FTO: variants seen among roughly 807,000 people sequenced by gnomAD.
FTO encodes alpha-ketoglutarate-dependent dioxygenase FTO.
Under a neutral mutation model 63.9 loss-of-function variants are expected in FTO, and 47 were observed. The ratio of observed to expected loss-of-function variants is 0.74; its 90% CI spans 0.58 to 0.94. The LOEUF is 0.94. Among genes scored for constraint, FTO ranks in the 40% least tolerant of loss-of-function variants. The probability of loss-of-function intolerance (pLI) is 0.00; values close to 1 mark genes in which losing one functional copy is unlikely to be tolerated. For missense variants in FTO, 562 were observed against 618.1 expected (o/e 0.91, Z 0.96); for synonymous variants, 207 against 224.4 (o/e 0.92, Z 0.69).
intron 2 of FTO, among the ~76,000 whole-genome samples, chr16:53,815,093 G>T (rs1036156215): frequency 1.3e-5 from 2 of 151,962 alleles, no homozygotes; most frequent in Non-Finnish European, 2.9e-5. Flanking sequence ...CAGAGAGAGA[G>T]AGAGAGAGAG....
intron 7 of FTO, among the ~76,000 whole-genome samples, chr16:53,910,368 C>G (rs952504650): frequency 1.3e-5 from 2 of 152,008 alleles, no homozygotes; most frequent in East Asian, 3.9e-4. Flanking sequence ...GGAAAGTGAT[C>G]CAATCGACCC....
chr16:53,815,079 C>T lies in FTO; in HGVS notation c.123+4862C>T, dbSNP rs533125978. On this transcript the variant is annotated intron_variant, in intron 2 of 8. Coordinates refer to ENST00000471389, the MANE Select transcript of FTO (RefSeq NM_001080432.3). ...AGACAGCTGGTGAGAGCAGGGGAGA[C>T]GGTCAGAGAGAGAGAGAGAGAGAGA... Among the ~76,000 whole-genome samples the T allele has an allele frequency of 2.1e-3, 226 of 106,656 alleles. 1 individual carries two copies. Among genetic ancestry groups the T allele is most frequent in the African/African-American group, 9.5e-3 (207 of 21,716 alleles). 70.0% of individuals were successfully genotyped at this position (106,656 alleles called of 152,430 possible). A position where few individuals can be genotyped will look rare whatever the true frequency, so the allele number is the denominator to read the frequency against.
intron 3 of FTO, among the ~76,000 whole-genome samples, chr16:53,842,158 A>G (rs1033907063): frequency 1.3e-5 from 2 of 152,240 alleles, no homozygotes; most frequent in African/African-American, 4.8e-5. Context: ...TGTGCCAGTC[A>G]CTAGGGCTAT....
chr16:54,084,711 G>T (rs1876941), intron 8 of FTO, among the ~76,000 whole-genome samples: 1,956 of 152,222 alleles, frequency 0.013, 36 homozygotes, highest in Non-Finnish European at 0.015. Flanking sequence ...TCTAGATACA[G>T]GGAGAAGCCA....
chr16:53,732,305 C>G (rs931962964), intron 1 of FTO, among the ~76,000 whole-genome samples: 1 of 152,152 alleles, frequency 6.6e-6, no homozygotes, highest in Non-Finnish European at 1.5e-5. Context: ...CCTGTGTTGG[C>G]CTCCCAAAGT....
intron 1 of FTO, among the ~76,000 whole-genome samples, chr16:53,799,930 A>G (rs1296760040): frequency 6.6e-6 from 1 of 152,106 alleles, no homozygotes; most frequent in Non-Finnish European, 1.5e-5. Flanking sequence ...CATTCTGGCT[A>G]GGGATTTTAA....
chr16:54,004,892 A>G (rs1421146325), intron 8 of FTO, among the ~76,000 whole-genome samples: 4 of 151,964 alleles, frequency 2.6e-5, no homozygotes, highest in African/African-American at 9.7e-5. Context: ...AGTACAGTGA[A>G]ACCCCATCTC....
At chr16:53,954,739 T>C (rs2082885290) in intron 8 of FTO, among the ~76,000 whole-genome samples, 1 of 152,160 alleles carries the variant, frequency 6.6e-6, no homozygotes, top group African/African-American at 2.4e-5. Context: ...GTAGAGCCCA[T>C]GGGCTGTTGA....
At chr16:54,073,994 G>C (rs2144471837) in intron 8 of FTO, among the ~76,000 whole-genome samples, 1 of 151,974 alleles carries the variant, frequency 6.6e-6, no homozygotes, top group Admixed American at 6.6e-5. Flanking sequence ...TTATGTTTTG[G>C]GTGTCTTATA....
intron 8 of FTO, chr16:54,061,638 C>T (rs369302245): frequency 9.9e-5 from 15 of 152,100 alleles, no homozygotes; most frequent in African/African-American, 2.4e-4. Context: ...TGTGTACAGC[C>T]GCACGCATGC....
At chr16:53,847,068 G>A (rs891224918) in intron 4 of FTO, among the ~76,000 whole-genome samples, 1 of 152,138 alleles carries the variant, frequency 6.6e-6, no homozygotes, top group African/African-American at 2.4e-5. Context: ...CAGATTTACT[G>A]GGAATTAATG....
intron 4 of FTO, among the ~76,000 whole-genome samples, chr16:53,866,882 AT>A (rs1278817707): frequency 2.6e-5 from 4 of 151,688 alleles, no homozygotes; most frequent in Non-Finnish European, 5.9e-5. Context: ...ATTAACTTTT[AT>A]TGTTTCTTTT....
intron 4 of FTO, among the ~76,000 whole-genome samples, chr16:53,867,287 C>A (rs2080345179): frequency 6.6e-6 from 1 of 150,896 alleles, no homozygotes; most frequent in Admixed American, 6.6e-5. Flanking sequence ...GAATTTGTTG[C>A]TAGTAGACGT....
chr16:54,067,824 C>T (rs2085769313), intron 8 of FTO, among the ~76,000 whole-genome samples: 1 of 152,176 alleles, frequency 6.6e-6, no homozygotes, highest in Admixed American at 6.5e-5. Flanking sequence ...TGTTTACTTT[C>T]TATAGTAGTT....
At chr16:53,900,608 CTTTTTTTTTTTTTTTT>C (rs752080961) in intron 7 of FTO, among the ~76,000 whole-genome samples, 857 of 67,208 alleles carry the variant, frequency 0.013, 26 homozygotes, top group Middle Eastern at 0.027. Flanking sequence ...TCATCTGCTC[CTTTTTTTTTTTTTTTT>C]TTTTTTTTTT....
At chr16:53,989,488 T>A (rs1350163100) in intron 8 of FTO, among the ~76,000 whole-genome samples, 3 of 152,046 alleles carry the variant, frequency 2.0e-5, no homozygotes, top group Non-Finnish European at 4.4e-5. Context: ...AAAAGGCAAC[T>A]CCGATTTGGG....
chr16:53,942,254 C>G (rs2082547323), intron 8 of FTO, among the ~76,000 whole-genome samples: 1 of 152,192 alleles, frequency 6.6e-6, no homozygotes, highest in African/African-American at 2.4e-5. Context: ...ATGCAGTTCT[C>G]TGGTGTTTAA....
chr16:53,814,256 A>T (rs1436662091), intron 2 of FTO, among the ~76,000 whole-genome samples: 2 of 152,176 alleles, frequency 1.3e-5, no homozygotes, highest in African/African-American at 4.8e-5. Flanking sequence ...ACACAAGGAA[A>T]CGAGGAATTA....
intron 1 of FTO, among the ~76,000 whole-genome samples, chr16:53,743,342 C>G (rs879624672): frequency 4.6e-5 from 7 of 151,804 alleles, no homozygotes; most frequent in Non-Finnish European, 8.8e-5. Context: ...TTAGAAGGAA[C>G]CTAAATTGGA....
Sources: gnomAD v4.1 joint callset for allele counts (sites outside exome capture counted in the v4.1 genomes callset) on GRCh38, gnomAD v4.1.1 for gene constraint, MANE v1.5 for transcripts, NCBI Gene and HGNC (gene_info 2026-07-23, HGNC 2026-07-21) for gene names.